HPSE2: variants seen among roughly 807,000 people sequenced by gnomAD.
HPSE2 encodes the protein heparanase 2 (inactive).
A neutral mutation model predicts 60.5 loss-of-function variants in HPSE2; 38 were observed. The observed-to-expected ratio is 0.63, with a 90% CI of 0.48 to 0.82. The LOEUF (loss-of-function observed/expected upper bound fraction) is 0.82. Among genes scored for constraint, HPSE2 ranks in the 40% least tolerant of loss-of-function variants. The probability of loss-of-function intolerance (pLI) is 0.00; values close to 1 mark genes in which losing one functional copy is unlikely to be tolerated. For synonymous variants in HPSE2, 295 were observed against 293.2 expected (o/e 1.01, Z -0.06); for missense variants, 713 against 740.4 (o/e 0.96, Z 0.43).
intron 6 of HPSE2, among the ~76,000 whole-genome samples, chr10:98,683,591 T>C (rs1245410522): frequency 6.6e-6 from 1 of 151,790 alleles, no homozygotes; most frequent in Non-Finnish European, 1.5e-5. Flanking sequence ...GATAGCAACA[T>C]GTAAGTTTCA....
intron 6 of HPSE2, among the ~76,000 whole-genome samples, chr10:98,690,539 CA>C (rs1250723755): frequency 6.6e-6 from 1 of 151,980 alleles, no homozygotes; most frequent in African/African-American, 2.4e-5. Flanking sequence ...GACTCCATCT[CA>C]AAATAAATAA....
At chr10:99,272,207 T>C in the HPSE2 span, among the ~76,000 whole-genome samples, 2 of 150,880 alleles carry the variant, frequency 1.3e-5, no homozygotes, top group Non-Finnish European at 2.9e-5. Context: ...GAGGTAGAGG[T>C]TGCAGTGAGC....
chr10:99,013,302 T>C, intron 3 of HPSE2: 2 of 623,200 alleles, frequency 3.2e-6, no homozygotes, highest in Non-Finnish European at 6.1e-6. Context: ...TCTTAGGTCC[T>C]CATGTGCTAA....
intron 3 of HPSE2, among the ~76,000 whole-genome samples, chr10:99,008,558 G>T (rs1956941683): frequency 6.6e-6 from 1 of 152,162 alleles, no homozygotes; most frequent in African/African-American, 2.4e-5. Flanking sequence ...TCTTTTCCTG[G>T]CAGAATTAAT....
At chr10:98,730,318 A>C (rs143688279) in intron 4 of HPSE2, among the ~76,000 whole-genome samples, 201 of 152,308 alleles carry the variant, frequency 1.3e-3, no homozygotes, top group Middle Eastern at 0.01. Context: ...TATGGGATGC[A>C]GCTTAAGCAA....
intron 4 of HPSE2, 63 bp from the exon 5 acceptor site, chr10:98,721,891 G>T: frequency 7.7e-7 from 1 of 1,306,432 alleles, no homozygotes; most frequent in Non-Finnish European, 1.1e-6. Flanking sequence ...ACACTTTCCT[G>T]TCCACAGATC....
At chr10:98,810,685 G>T (rs1016303042) in intron 3 of HPSE2, among the ~76,000 whole-genome samples, 2 of 151,874 alleles carry the variant, frequency 1.3e-5, no homozygotes, top group Non-Finnish European at 2.9e-5. Context: ...GCTTCCCTGG[G>T]CCACACTGGA....
At chr10:99,078,537 AT>A (rs200641046) in intron 3 of HPSE2, among the ~76,000 whole-genome samples, 1 of 151,496 alleles carries the variant, frequency 6.6e-6, no homozygotes, top group African/African-American at 2.4e-5. Context: ...ATACAGATGC[AT>A]TTTTTTTTAC....
At chr10:98,825,222 G>A (rs1008578590) in intron 3 of HPSE2, among the ~76,000 whole-genome samples, 4 of 152,250 alleles carry the variant, frequency 2.6e-5, no homozygotes, top group African/African-American at 4.8e-5. Context: ...ATGCATTCCT[G>A]AAGAAGTAAT....
chr10:98,772,914 C>A (rs1950270136), intron 3 of HPSE2, among the ~76,000 whole-genome samples: 1 of 152,120 alleles, frequency 6.6e-6, no homozygotes, highest in South Asian at 2.1e-4. Flanking sequence ...CTAGGAAAGG[C>A]AAGAATTGCA....
chr10:99,136,657 A>G (rs1460522799), intron 3 of HPSE2, among the ~76,000 whole-genome samples: 1 of 152,216 alleles, frequency 6.6e-6, no homozygotes, highest in Non-Finnish European at 1.5e-5. Context: ...TTATCTCAAT[A>G]GATGCAGAAA....
intron 3 of HPSE2, among the ~76,000 whole-genome samples, chr10:98,766,995 C>A (rs566850280): frequency 5.9e-5 from 9 of 152,224 alleles, no homozygotes; most frequent in Non-Finnish European, 1.3e-4. Flanking sequence ...TAACAGACTA[C>A]ATAAGAAACA....
rs1948232430 is a variant in HPSE2, at chr10:98,696,771, T to A, written c.957-2824A>T. Among the ~76,000 whole-genome samples the A allele has an allele frequency of 2.0e-5, 3 of 152,142 alleles. No individual in the cohort carries two copies. In the South Asian group the frequency reaches 6.2e-4, roughly 31 times the overall value. On this transcript the variant is annotated intron_variant, in intron 5 of 11. Coordinates refer to ENST00000370552, the MANE Select transcript of HPSE2 (RefSeq NM_021828.5). Reference sequence around the variant, plus strand: ...GCCAACTCTGGGACCCATAGCTGCCTAACACACTAAGCTCCCAGGGTGGGG... The same window carrying A: ...GCCAACTCTGGGACCCATAGCTGCCAAACACACTAAGCTCCCAGGGTGGGG...
chr10:98,600,924 T>TATATATATATATATA (rs1554950565), intron 9 of HPSE2, among the ~76,000 whole-genome samples: 23 of 45,652 alleles, frequency 5.0e-4, no homozygotes, highest in East Asian at 3.9e-3. Flanking sequence ...TATATATATA[T>TATATATATATATATA]ATATATATAT....
intron 3 of HPSE2, among the ~76,000 whole-genome samples, chr10:98,967,490 G>A (rs1369663015): frequency 6.6e-6 from 1 of 152,120 alleles, no homozygotes. Context: ...GGGAAAGTCT[G>A]AGGAAAGCTC....
intron 3 of HPSE2, among the ~76,000 whole-genome samples, chr10:98,913,857 T>C (rs1016408577): frequency 2.0e-5 from 3 of 152,182 alleles, no homozygotes; most frequent in Non-Finnish European, 4.4e-5. Context: ...GAAGATTCCT[T>C]AATAAAAGCA....
chr10:99,186,375 T>C (rs1439800777), intron 2 of HPSE2, among the ~76,000 whole-genome samples: 1 of 151,698 alleles, frequency 6.6e-6, no homozygotes, highest in East Asian at 1.9e-4. Flanking sequence ...AAACCCTGTC[T>C]CTACTAAAAA....
At chr10:99,051,288 C>T (rs1857181) in intron 3 of HPSE2, among the ~76,000 whole-genome samples, 99,862 of 151,978 alleles carry the variant, frequency 0.66, 35,722 homozygotes, top group Non-Finnish European at 0.78. Context: ...TGCTTTACTG[C>T]AATGGTCTGG....
intron 2 of HPSE2, among the ~76,000 whole-genome samples, chr10:99,182,061 T>G (rs1454494275): frequency 6.6e-6 from 1 of 152,180 alleles, no homozygotes; most frequent in Non-Finnish European, 1.5e-5. Flanking sequence ...CTTCCAAAAC[T>G]GGGAGGAATA....
Sources: gnomAD v4.1 joint callset for allele counts (sites outside exome capture counted in the v4.1 genomes callset) on GRCh38, gnomAD v4.1.1 for gene constraint, MANE v1.5 for transcripts, NCBI Gene and HGNC (gene_info 2026-07-23, HGNC 2026-07-21) for gene names.